FAM135B: variants seen among roughly 807,000 people sequenced by gnomAD.
FAM135B encodes protein FAM135B.
FAM135B carries 43 observed loss-of-function variants against 127.7 expected under a neutral mutation model. The observed-to-expected ratio is 0.34, with a 90% CI of 0.26 to 0.43. The LOEUF is 0.43. Ranked by LOEUF, FAM135B falls within the 20% of genes least tolerant of loss-of-function variation. FAM135B has a pLI of 1.00. For synonymous variants in FAM135B, 670 were observed against 665.1 expected, an observed-to-expected ratio of 1.01 and a Z score of -0.11; for missense variants, 1,558 against 1,725.6, an observed-to-expected ratio of 0.90 and a Z score of 1.72.
chr8:138,273,474 G>C (rs1298436778), intron 3 of FAM135B, among the ~76,000 whole-genome samples: 2 of 152,198 alleles, frequency 1.3e-5, no homozygotes, highest in Non-Finnish European at 2.9e-5. Flanking sequence ...AGAGTGTTGG[G>C]ATTACAGGTG....
chr8:138,247,212 T>G (rs7464412), intron 6 of FAM135B, among the ~76,000 whole-genome samples: 1 of 152,062 alleles, frequency 6.6e-6, no homozygotes, highest in South Asian at 2.1e-4. Context: ...TAGAAAGGCA[T>G]GATTGTGTTT....
At chr8:138,481,763 CTG>C (rs1814788948) in intron 1 of FAM135B, among the ~76,000 whole-genome samples, 1 of 152,224 alleles carries the variant, frequency 6.6e-6, no homozygotes, top group Non-Finnish European at 1.5e-5. Flanking sequence ...AATCCAGTGT[CTG>C]TTCAACTGGT....
At chr8:138,497,485 C>G (rs773287035), upstream of FAM135B, among the ~76,000 whole-genome samples, 1 of 152,120 alleles carries the variant, frequency 6.6e-6, no homozygotes, top group East Asian at 1.9e-4. Flanking sequence ...CCCCAGGCCT[C>G]GGGCAGGAAA....
chr8:138,219,253 A>G (rs1296907787), intron 7 of FAM135B, among the ~76,000 whole-genome samples: 1 of 152,228 alleles, frequency 6.6e-6, no homozygotes, highest in Non-Finnish European at 1.5e-5. Context: ...GGAGTTTCAA[A>G]TACGCCTTTG....
intron 4 of FAM135B, among the ~76,000 whole-genome samples, chr8:138,257,730 A>G (rs1586902242): frequency 6.6e-6 from 1 of 152,148 alleles, no homozygotes; most frequent in African/African-American, 2.4e-5. Context: ...CAGTGTTACA[A>G]CCTGGAAGCC....
chr8:138,169,077 T>A (rs1419682042), intron 11 of FAM135B, among the ~76,000 whole-genome samples: 1 of 152,172 alleles, frequency 6.6e-6, no homozygotes, highest in East Asian at 1.9e-4. Context: ...AAGATAAATG[T>A]ATGGAAATAT....
At position 138,158,825 on chromosome 8, in the gene FAM135B, C is replaced by T. The variant is rs555717539; in HGVS notation, c.1259-5609G>A. ...TGGAGAGGATGTGGAGAAATAGGAA[C>T]ACTTTTACACTGTTGGTAGGACTGT... is the stretch of plus-strand genomic sequence containing the variant. On this transcript the variant is annotated intron_variant, in intron 12 of 19. Transcript: ENST00000395297. Among the ~76,000 whole-genome samples, 6 of 152,268 alleles carry T rather than the reference C, an allele frequency of 3.9e-5. No homozygotes were observed. In the South Asian group the frequency reaches 1.2e-3, roughly 32 times the overall value.
intron 7 of FAM135B, among the ~76,000 whole-genome samples, chr8:138,234,453 A>ATGGAAACAAGTTACATGTCTATCAG (rs1820122089): frequency 6.6e-6 from 1 of 152,206 alleles, no homozygotes; most frequent in Non-Finnish European, 1.5e-5. Context: ...TAGCTAAGAT[A>ATGGAAACAAGTTACATGTCTATCAG]TGGAAACAAG....
rs189848142 is a variant in FAM135B, at chr8:138,212,490, C to T, written c.670-14821G>A. Among the ~76,000 whole-genome samples, 366 of 152,292 alleles carry T rather than the reference C, an allele frequency of 2.4e-3. 2 individuals carry two copies. Among genetic ancestry groups the T allele is most frequent in the Non-Finnish European group, 3.7e-3 (252 of 68,022 alleles). On this transcript the variant is annotated intron_variant, in intron 7 of 19. Transcript: ENST00000395297. ...TCCTGCAGTCTCACAAACACAGCTG[C>T]CCCTCTGCCTTTTGCTTTTCAGGAT...
intron 5 of FAM135B, among the ~76,000 whole-genome samples, chr8:138,251,618 A>C (rs1461879630): frequency 6.6e-6 from 1 of 152,234 alleles, no homozygotes; most frequent in Non-Finnish European, 1.5e-5. Flanking sequence ...TAGTTTCATC[A>C]AGGATTCCCC....
intron 1 of FAM135B, among the ~76,000 whole-genome samples, chr8:138,462,627 C>T (rs918082651): frequency 5.9e-5 from 9 of 152,092 alleles, no homozygotes; most frequent in African/African-American, 1.9e-4. Flanking sequence ...TGATTTAACC[C>T]GAGTAGCTCT....
At chr8:138,219,615 C>T (rs1818866547) in intron 7 of FAM135B, among the ~76,000 whole-genome samples, 1 of 152,144 alleles carries the variant, frequency 6.6e-6, no homozygotes, top group Non-Finnish European at 1.5e-5. Context: ...CCTATTCCTC[C>T]ACTAGTTAAA....
chr8:138,146,803 T>G (rs1486897526), intron 14 of FAM135B, among the ~76,000 whole-genome samples: 2 of 152,220 alleles, frequency 1.3e-5, no homozygotes, highest in African/African-American at 4.8e-5. Context: ...TAATAAATTT[T>G]TGTCCTATTT....
chr8:138,291,690 T>C (rs1031438461), intron 3 of FAM135B, among the ~76,000 whole-genome samples: 4 of 152,116 alleles, frequency 2.6e-5, no homozygotes, highest in African/African-American at 9.7e-5. Flanking sequence ...ACAAAAACCA[T>C]ATCATCATCT....
chr8:138,167,063 C>G (rs1277518404), intron 12 of FAM135B, among the ~76,000 whole-genome samples: 1 of 152,018 alleles, frequency 6.6e-6, no homozygotes, highest in Non-Finnish European at 1.5e-5. Flanking sequence ...ACCAATTCAC[C>G]TAATGTGCAC....
At chr8:138,156,006 C>G (rs1818699218) in intron 12 of FAM135B, among the ~76,000 whole-genome samples, 1 of 152,198 alleles carries the variant, frequency 6.6e-6, no homozygotes, top group Admixed American at 6.5e-5. Flanking sequence ...CTTCTCAGCA[C>G]TACATCACAC....
chr8:138,478,948 T>C (rs1014691205), intron 1 of FAM135B, among the ~76,000 whole-genome samples: 9 of 152,152 alleles, frequency 5.9e-5, no homozygotes, highest in Non-Finnish European at 1.2e-4. Context: ...CAATGGGAAG[T>C]CCAGTTGTCA....
chr8:138,442,059 C>G (rs1519390), intron 1 of FAM135B, among the ~76,000 whole-genome samples: 98,547 of 150,846 alleles, frequency 0.65, 34,112 homozygotes, highest in African/African-American at 0.89. Flanking sequence ...AGCAGGCAAA[C>G]GATGTGAAGG....
chr8:138,423,299 T>C (rs1199704318), intron 1 of FAM135B, among the ~76,000 whole-genome samples: 2 of 152,200 alleles, frequency 1.3e-5, no homozygotes, highest in Non-Finnish European at 2.9e-5. Flanking sequence ...GCCTTTGCTT[T>C]CTACTTAGGG....
Sources: gnomAD v4.1 joint callset for allele counts (sites outside exome capture counted in the v4.1 genomes callset) on GRCh38, gnomAD v4.1.1 for gene constraint, MANE v1.5 for transcripts, NCBI Gene and HGNC (gene_info 2026-07-23, HGNC 2026-07-21) for gene names.